The following SCN11A variants were observed in gnomAD, a reference collection of about 807,000 sequenced individuals.
SCN11A encodes the protein sodium voltage-gated channel alpha subunit 11.
Under a neutral mutation model 162.2 loss-of-function variants are expected in SCN11A, and 122 were observed. The observed-to-expected ratio is 0.75, with a 90% CI of 0.65 to 0.87. The LOEUF (loss-of-function observed/expected upper bound fraction) is 0.87. Ranked by LOEUF, SCN11A falls within the 40% of genes least tolerant of loss-of-function variation. The pLI, the probability that SCN11A is intolerant of heterozygous loss-of-function variation, is 0.00. For missense variants in SCN11A, 2,015 were observed against 2,181.6 expected (o/e 0.92, Z 1.52); for synonymous variants, 758 against 751.5 (o/e 1.01, Z -0.14).
rs186763322 is a variant in SCN11A, at chr3:38,953,629, C to A, written c.-8G>T. 3.3e-5 allele frequency among the ~76,000 whole-genome samples: 5 copies of A among 152,068 alleles called. No individual in the cohort carries two copies. The East Asian group carries it at 9.7e-4, about 29-fold the overall frequency. ...GAGAGACTTGAGGGATGGTCCTTAC[C>A]GAGATTCCTGGCTTGAGCAGATGAG... On this transcript the variant is annotated splice_region_variant and 5_prime_UTR_variant, in exon 4 of 30. Transcript: ENST00000302328.
At chr3:38,931,079 C>T (rs1489135919) in intron 7 of SCN11A, among the ~76,000 whole-genome samples, 1 of 152,204 alleles carries the variant, frequency 6.6e-6, no homozygotes, top group African/African-American at 2.4e-5. Flanking sequence ...TCAAAGGCTT[C>T]CAGGGAAGCT....
chr3:38,969,127 A>AAGGC (rs367963828), intron 2 of SCN11A, among the ~76,000 whole-genome samples: 11 of 151,936 alleles, frequency 7.2e-5, no homozygotes, highest in South Asian at 2.1e-4. Flanking sequence ...GGGAAGGAAC[A>AAGGC]AGGCAGGCAG....
intron 14 of SCN11A, among the ~76,000 whole-genome samples, chr3:38,907,357 TACACACAC>T (rs376599495): frequency 0.56 from 71,393 of 128,286 alleles, 20,834 homozygotes; most frequent in South Asian, 0.69. Context: ...TATCTATATA[TACACACAC>T]ACACACACAC....
At chr3:38,931,041 G>A (rs542423295) in intron 7 of SCN11A, among the ~76,000 whole-genome samples, 2 of 152,240 alleles carry the variant, frequency 1.3e-5, no homozygotes, top group African/African-American at 4.8e-5. Flanking sequence ...CTCCTGATCT[G>A]TCTCCTCCAT....
chr3:38,907,342 GTATATATCTA>G (rs1251630815), intron 14 of SCN11A, among the ~76,000 whole-genome samples: 1 of 31,784 alleles, frequency 3.1e-5, no homozygotes, highest in African/African-American at 5.6e-5. Flanking sequence ...GTGTGTGTGT[GTATATATCTA>G]TATATACACA....
At position 38,847,192 on chromosome 3, in the gene SCN11A, A is replaced by G; in HGVS notation, c.4878T>C (p.Phe1626=). 2 of 1,614,138 alleles carry G rather than the reference A, an allele frequency of 1.2e-6. No individual in the cohort carries two copies. The highest frequency in any genetic ancestry group is 1.7e-6 in the Non-Finnish European group (2 of 1,179,994). The change falls in exon 30 of 30, where the codon TTT becomes TTC. Residue 1626 remains phenylalanine, a synonymous_variant. Transcript: ENST00000302328. ...GGTCAAACTTTTCCCACACTTCATAAAATATGTCAAAGTCATCTTCACCCA... is the reference window on the plus strand; with the variant it reads ...GGTCAAACTTTTCCCACACTTCATAGAATATGTCAAAGTCATCTTCACCCA... ...DPLGEDDFDI[F]YEVWEKFDPE...
intron 1 of SCN11A, among the ~76,000 whole-genome samples, chr3:39,035,050 T>A (rs1418716833): frequency 1.3e-5 from 2 of 151,866 alleles, no homozygotes; most frequent in African/African-American, 4.8e-5. Context: ...CTCAATGCAA[T>A]CCCTATGAAA....
intron 22 of SCN11A, among the ~76,000 whole-genome samples, chr3:38,881,784 C>A (rs1348205658): frequency 6.6e-6 from 1 of 152,156 alleles, no homozygotes; most frequent in East Asian, 1.9e-4. Flanking sequence ...TGGGTCCTTC[C>A]CCTGGCACCC....
At chr3:38,887,443 G>C (rs1293427697) in intron 19 of SCN11A, among the ~76,000 whole-genome samples, 1 of 119,176 alleles carries the variant, frequency 8.4e-6, no homozygotes, top group Non-Finnish European at 1.7e-5. Flanking sequence ...TTGTGGGGTG[G>C]GGGGAGGGGG....
chr3:38,907,280 T>A (rs13076816), intron 14 of SCN11A, among the ~76,000 whole-genome samples: 131,208 of 146,796 alleles, frequency 0.89, 58,636 homozygotes, highest in South Asian at 0.92. Context: ...TCTATGATGG[T>A]CCAAAGTTGG....
chr3:38,874,998 C>A (rs1174779404), intron 23 of SCN11A, among the ~76,000 whole-genome samples: 1 of 152,136 alleles, frequency 6.6e-6, no homozygotes, highest in Admixed American at 6.6e-5. Flanking sequence ...GAACTGTTCA[C>A]ATACATTCTC....
At chr3:38,920,684 CAA>C (rs36096755) in intron 10 of SCN11A, among the ~76,000 whole-genome samples, 16 of 55,982 alleles carry the variant, frequency 2.9e-4, no homozygotes, top group Non-Finnish European at 4.2e-4. Context: ...GACTCCATCT[CAA>C]AAAAAAAAAA....
intron 15 of SCN11A, 59 bp downstream of exon 15, chr3:38,905,133 G>A (rs887587980): frequency 6.2e-7 from 1 of 1,608,926 alleles, no homozygotes. Flanking sequence ...TTGGGAAGAA[G>A]AAGAATGGAA....
intron 29 of SCN11A, chr3:38,849,989 G>A (rs961857146): frequency 6.5e-6 from 1 of 152,756 alleles, no homozygotes; most frequent in African/African-American, 2.4e-5. Flanking sequence ...AGTGGGCCAT[G>A]GGGCCTTGTA....
intron 3 of SCN11A, among the ~76,000 whole-genome samples, chr3:38,958,691 A>G (rs1182385400): frequency 2.0e-5 from 3 of 152,166 alleles, no homozygotes; most frequent in Non-Finnish European, 4.4e-5. Flanking sequence ...TATGACTGTC[A>G]TTGTCCTGTA....
At chr3:38,861,459 A>G (rs1256906767) in intron 28 of SCN11A, among the ~76,000 whole-genome samples, 1 of 152,170 alleles carries the variant, frequency 6.6e-6, no homozygotes, top group Non-Finnish European at 1.5e-5. Flanking sequence ...AAAAGAACAA[A>G]TTTGGAGGCA....
intron 2 of SCN11A, among the ~76,000 whole-genome samples, chr3:38,985,131 T>C (rs2030190240): frequency 6.8e-6 from 1 of 147,184 alleles, no homozygotes; most frequent in Non-Finnish European, 1.5e-5. Flanking sequence ...TGGCTGTCTT[T>C]TTTTTTTTTT....
In SCN11A at chr3:38,919,827, G is replaced by A. The variant is rs1391991405; in HGVS notation, c.959+108C>T. ...GTTTAGACACATGAAATAATTATGT[G>A]AGAACTATCATCACTGTGTCCACCA... is the stretch of plus-strand genomic sequence containing the variant. On this transcript the variant is annotated intron_variant, in intron 11 of 29. Coordinates refer to ENST00000302328, the MANE Select transcript of SCN11A (RefSeq NM_001349253.2). 6.4e-6 allele frequency: 5 copies of A among 781,572 alleles called. No homozygotes were observed. The East Asian group carries it at 1.0e-4, about 16-fold the overall frequency. The allele number at this position is 781,572 out of a possible 1,614,324, so 48.4% of individuals were successfully genotyped here.
intron 29 of SCN11A, among the ~76,000 whole-genome samples, chr3:38,849,060 C>T (rs1348229514): frequency 1.3e-5 from 2 of 152,110 alleles, no homozygotes; most frequent in Admixed American, 6.5e-5. Context: ...GGGCAAATGC[C>T]ATACAGCATG....
Sources: gnomAD v4.1 joint callset for allele counts (sites outside exome capture counted in the v4.1 genomes callset) on GRCh38, gnomAD v4.1.1 for gene constraint, MANE v1.5 for transcripts, NCBI Gene and HGNC (gene_info 2026-07-23, HGNC 2026-07-21) for gene names.